Variants in PCGF3 observed in about 807,000 individuals in gnomAD.
PCGF3 encodes the protein polycomb group ring finger 3, also known as polycomb group RING finger protein 3.
In PCGF3, 7 loss-of-function variants were observed where a neutral mutation model predicts 33.1. That is an observed-to-expected ratio of 0.21 (90% CI 0.12 to 0.40). The LOEUF is 0.40. Ranked by LOEUF, PCGF3 falls within the 10% of genes least tolerant of loss-of-function variation. PCGF3 has a pLI of 1.00. For synonymous variants in PCGF3, 153 were observed against 121.3 expected, an observed-to-expected ratio of 1.26 and a Z score of -1.72; for missense variants, 211 against 313.3, an observed-to-expected ratio of 0.67 and a Z score of 2.46.
At position 761,742 on chromosome 4, in the gene PCGF3, C is replaced by T. The variant is rs113711375; in HGVS notation, c.600+326C>T. ...TTAATTTCACAAGGGGAGACATGGG[C>T]GGATGCAGAGAGGGAGGACCCTTCC... On this transcript the variant is annotated intron_variant, in intron 9 of 10. Transcript: ENST00000362003. 30 of 985,332 alleles carry T rather than the reference C, an allele frequency of 3.0e-5. 1 individual carries two copies. The highest frequency in any genetic ancestry group is 2.3e-4 in the African/African-American group (13 of 57,338). 61.0% of individuals were successfully genotyped at this position (985,332 alleles called of 1,614,324 possible). A position where few individuals can be genotyped will look rare whatever the true frequency, so the allele number is the denominator to read the frequency against.
intron 1 of PCGF3, among the ~76,000 whole-genome samples, chr4:716,726 G>T (rs113295597): frequency 2.8e-5 from 4 of 143,234 alleles, no homozygotes; most frequent in Admixed American, 2.7e-4. Flanking sequence ...AAGACACTGA[G>T]TGTGAGAACT....
exon 11 of PCGF3, chr4:767,136 T>G (rs1745417337): frequency 6.6e-6 from 1 of 152,316 alleles, no homozygotes; most frequent in Non-Finnish European, 1.5e-5. Flanking sequence ...AGGGCGTTTT[T>G]CAGAGCTGCA....
intron 1 of PCGF3, among the ~76,000 whole-genome samples, chr4:710,711 T>A (rs1312054281): frequency 6.6e-6 from 1 of 152,204 alleles, no homozygotes; most frequent in Non-Finnish European, 1.5e-5. Context: ...AGGAATTAAC[T>A]TGCAATTTGG....
chr4:768,010 T>C (rs1014730338), exon 11 of PCGF3: 8 of 152,708 alleles, frequency 5.2e-5, no homozygotes, highest in African/African-American at 1.9e-4. Flanking sequence ...CAAATAAAAT[T>C]AAATCACAGT....
chr4:764,984 C>T (rs1254252956), exon 10 of PCGF3: 1 of 1,612,962 alleles, frequency 6.2e-7, no homozygotes, highest in Non-Finnish European at 8.5e-7. Context: ...TATCCCCCAG[C>T]TGGACATTTT....
At chr4:726,392 A>G (rs1225127078) in intron 1 of PCGF3, among the ~76,000 whole-genome samples, 4 of 152,298 alleles carry the variant, frequency 2.6e-5, no homozygotes, top group South Asian at 4.1e-4. Flanking sequence ...GGGGCCAGCA[A>G]ACCCGCTCAC....
intron 1 of PCGF3, among the ~76,000 whole-genome samples, chr4:715,485 G>C: frequency 7.0e-6 from 1 of 143,614 alleles, no homozygotes; most frequent in Non-Finnish European, 1.5e-5. Flanking sequence ...TCTGTGCTGG[G>C]ACCCTATAGA....
At chr4:722,401 C>T (rs1471148243) in intron 1 of PCGF3, 3 of 197,850 alleles carry the variant, frequency 1.5e-5, no homozygotes, top group South Asian at 6.9e-5. Flanking sequence ...CAGGCAGCGG[C>T]GTGGCTGGCG....
intron 9 of PCGF3, 191 bp downstream of exon 9, chr4:761,607 G>A (rs1243324519): frequency 2.1e-6 from 2 of 959,438 alleles, no homozygotes; most frequent in South Asian, 4.8e-5. Context: ...GATGCCCAGA[G>A]ACAGGGAACG....
chr4:742,755 G>A (rs1022619525), intron 6 of PCGF3, among the ~76,000 whole-genome samples: 14 of 152,168 alleles, frequency 9.2e-5, no homozygotes, highest in Non-Finnish European at 1.9e-4. Flanking sequence ...GTCTGCCGCC[G>A]GGCAGTCTCC....
chr4:763,688 C>T (rs1745196261), intron 9 of PCGF3, among the ~76,000 whole-genome samples: 1 of 152,200 alleles, frequency 6.6e-6, no homozygotes, highest in South Asian at 2.1e-4. Context: ...TCTCGGCAAA[C>T]CACCCAGCAG....
chr4:755,874 CCCT>C (rs888416781), intron 8 of PCGF3, among the ~76,000 whole-genome samples: 1 of 149,978 alleles, frequency 6.7e-6, no homozygotes, highest in African/African-American at 2.5e-5. Flanking sequence ...GAGTACATAC[CCCT>C]CCTCATTTTT....
intron 1 of PCGF3, among the ~76,000 whole-genome samples, chr4:708,212 C>T (rs1029986162): frequency 2.6e-5 from 4 of 152,124 alleles, no homozygotes; most frequent in Non-Finnish European, 5.9e-5. Flanking sequence ...AACGGGGTCA[C>T]TTAGGGTCGG....
Position 720,012 on chromosome 4 carries a change from G to A in PCGF3, c.-189-10618G>A. Among the ~76,000 whole-genome samples, 1 of 152,234 alleles carries A rather than the reference G, an allele frequency of 6.6e-6. No individual in the cohort carries two copies. The highest frequency in any genetic ancestry group is 6.5e-5 in the Admixed American group (1 of 15,292). ...TGGGCTGGGGGCATCTGTGGGGCCAGTTGCAGCAGTTTGGTCATTTTTGTG... is the reference window on the plus strand; with the variant it reads ...TGGGCTGGGGGCATCTGTGGGGCCAATTGCAGCAGTTTGGTCATTTTTGTG... On this transcript the variant is annotated intron_variant, in intron 1 of 10. Coordinates refer to ENST00000362003, the Ensembl canonical transcript of PCGF3. This position sits in a 1 kb window ranked among gnomAD's most constrained non-coding sequence, Gnocchi z 5.6.
intron 4 of PCGF3, 197 bp from the exon 5 acceptor site, chr4:734,734 C>A (rs924855369): frequency 4.7e-5 from 64 of 1,362,956 alleles, no homozygotes; most frequent in Non-Finnish European, 5.8e-5. Flanking sequence ...ATTGACGGGG[C>A]AATTAAAACC....
At chr4:710,622 G>A (rs1235522237) in intron 1 of PCGF3, among the ~76,000 whole-genome samples, 1 of 152,164 alleles carries the variant, frequency 6.6e-6, no homozygotes, top group Non-Finnish European at 1.5e-5. Flanking sequence ...AATTGGTGTG[G>A]GTTTCTCCGA....
intron 6 of PCGF3, among the ~76,000 whole-genome samples, chr4:741,095 G>A (rs1387634460): frequency 6.6e-6 from 1 of 152,238 alleles, no homozygotes; most frequent in African/African-American, 2.4e-5. Context: ...TATGCTGAGA[G>A]CAAACAGCCG....
intron 8 of PCGF3, among the ~76,000 whole-genome samples, chr4:756,457 C>G (rs1744774383): frequency 6.6e-6 from 1 of 152,142 alleles, no homozygotes; most frequent in African/African-American, 2.4e-5. Context: ...AAATGATCCA[C>G]CCGCCTCAGC....
At chr4:726,102 G>A (rs898000013) in intron 1 of PCGF3, among the ~76,000 whole-genome samples, 7 of 152,246 alleles carry the variant, frequency 4.6e-5, no homozygotes, top group African/African-American at 1.7e-4. Flanking sequence ...TGGCGGGCAG[G>A]AATGGTCTCG....
Sources: allele counts gnomAD v4.1 joint callset (sites outside exome capture counted in the v4.1 genomes callset), GRCh38; gene constraint gnomAD v4.1.1; non-coding constraint Gnocchi (gnomAD v3.1); transcripts MANE v1.5; gene names NCBI Gene and HGNC (gene_info 2026-07-23, HGNC 2026-07-21).